Variants in NTAQ1 observed in about 807,000 individuals in gnomAD.
NTAQ1 encodes the protein protein N-terminal glutamine amidohydrolase.
NTAQ1 carries 21 observed loss-of-function variants against 28.2 expected under a neutral mutation model. The ratio of observed to expected loss-of-function variants is 0.74; its 90% CI spans 0.53 to 1.07. NTAQ1 has a LOEUF of 1.07. NTAQ1 is among the 50% of genes least tolerant of loss of function. The pLI, the probability that NTAQ1 is intolerant of heterozygous loss-of-function variation, is 0.00. For missense variants in NTAQ1, 264 were observed against 256.6 expected (o/e 1.03, Z -0.20); for synonymous variants, 105 against 90.0 (o/e 1.17, Z -0.94).
In NTAQ1 at chr8:123,417,297, A is replaced by G. The variant is rs1813358253; in HGVS notation, c.83+365A>G. Among the ~76,000 whole-genome samples the G allele has an allele frequency of 2.0e-5, 3 of 152,108 alleles. No homozygotes were observed. The South Asian group carries it at 6.2e-4, about 32-fold the overall frequency. On this transcript the variant is annotated intron_variant, in intron 1 of 5. Transcript: ENST00000287387. ...GGGGTTTCAGACTGAGGTGAAGGTC[A>G]TTTTAATTTTGTAAGAGAATGAAGG...
intron 3 of NTAQ1, among the ~76,000 whole-genome samples, chr8:123,433,340 C>T (rs1325038312): frequency 6.6e-6 from 1 of 152,220 alleles, no homozygotes; most frequent in Admixed American, 6.5e-5. Flanking sequence ...GGAAAGCTGT[C>T]CCCATCAGGC....
chr8:123,427,444 G>C (rs1024428759), intron 1 of NTAQ1, among the ~76,000 whole-genome samples: 2 of 151,786 alleles, frequency 1.3e-5, no homozygotes, highest in Non-Finnish European at 2.9e-5. Context: ...GTAGAGACGG[G>C]GTTTCACCAT....
rs33984349 is a variant in NTAQ1, at chr8:123,453,425, C to CTT, written c.372+12088_372+12089dup. ...CACCGAAAGGTGAAGTGTTTTGTTG[C>CTT]TTTTTTTTTTTTTCTTTTTTGGAAC... On this transcript the variant is annotated intron_variant, in intron 6 of 6. Transcript: ENST00000650311. 1.9e-3 allele frequency among the ~76,000 whole-genome samples: 271 copies of CTT among 144,768 alleles called. 2 individuals carry two copies. Among genetic ancestry groups the CTT allele is most frequent in the Middle Eastern group, 3.5e-3 (1 of 284 alleles). 95.0% of individuals were successfully genotyped at this position (144,768 alleles called of 152,430 possible).
Position 123,437,340 on chromosome 8 carries a change from C to T in NTAQ1, c.508+6C>T, listed in dbSNP as rs2130301953. 1.2e-6 allele frequency: 2 copies of T among 1,613,664 alleles called. No individual in the cohort carries two copies. Among genetic ancestry groups the T allele is most frequent in the East Asian group, 4.5e-5 (2 of 44,874 alleles). On this transcript the variant is annotated splice_donor_region_variant and intron_variant, in intron 5 of 5. Transcript: ENST00000287387. ...TCCCTGCATTGAGACTGGAGGTGAG[C>T]CAAGATGCCTTCTCAGATGGGGGTT...
intron 1 of NTAQ1, among the ~76,000 whole-genome samples, chr8:123,427,313 G>A (rs1406475710): frequency 7.6e-6 from 1 of 131,772 alleles, no homozygotes; most frequent in African/African-American, 2.9e-5. Context: ...GTGCAGTGGT[G>A]TGATCTTTGG....
chr8:123,449,974 T>TATATATATATAA (rs371673968), downstream of NTAQ1, among the ~76,000 whole-genome samples: 48 of 56,104 alleles, frequency 8.6e-4, 10 homozygotes, highest in African/African-American at 2.0e-3. Context: ...TATATATATA[T>TATATATATATAA]GCTGGATAAA....
At chr8:123,445,246 G>A (rs144900833), downstream of NTAQ1, among the ~76,000 whole-genome samples, 658 of 151,984 alleles carry the variant, frequency 4.3e-3, 6 homozygotes, top group African/African-American at 0.015. Context: ...ATATAGGTAT[G>A]TATTATATAT....
downstream of NTAQ1, among the ~76,000 whole-genome samples, chr8:123,443,824 C>G (rs537633883): frequency 3.9e-5 from 6 of 152,224 alleles, no homozygotes; most frequent in Non-Finnish European, 8.8e-5. Context: ...CTGCCCACCT[C>G]GGCCTCTGAA....
At chr8:123,444,977 T>C (rs567155614), downstream of NTAQ1, among the ~76,000 whole-genome samples, 3 of 152,360 alleles carry the variant, frequency 2.0e-5, no homozygotes, top group East Asian at 5.8e-4. Flanking sequence ...AAGGAAATTA[T>C]GTCTTTCAGA....
intron 5 of NTAQ1, among the ~76,000 whole-genome samples, chr8:123,440,584 C>T (rs1563895948): frequency 6.6e-6 from 1 of 151,404 alleles, no homozygotes; most frequent in Non-Finnish European, 1.5e-5. Flanking sequence ...ATTACACCCT[C>T]CAACTCCCAG....
chr8:123,470,984 G>A (rs1425496016), downstream of NTAQ1, among the ~76,000 whole-genome samples: 9 of 151,082 alleles, frequency 6.0e-5, no homozygotes, highest in Non-Finnish European at 1.3e-4. Flanking sequence ...GCAGTGGCAT[G>A]ATCATAGCTC....
chr8:123,423,768 T>G (rs1813869769), intron 1 of NTAQ1, among the ~76,000 whole-genome samples: 1 of 152,212 alleles, frequency 6.6e-6, no homozygotes, highest in Non-Finnish European at 1.5e-5. Context: ...GTGTAACATT[T>G]ACATATATTT....
chr8:123,467,013 T>C (rs1815974209), intron 6 of NTAQ1: 1 of 152,098 alleles, frequency 6.6e-6, no homozygotes, highest in Non-Finnish European at 1.5e-5. Context: ...AGGAAATGTT[T>C]GTGGTTCTTG....
chr8:123,437,388 G>A (rs1341508636), intron 5 of NTAQ1, 54 bp downstream of exon 5: 3 of 1,595,792 alleles, frequency 1.9e-6, no homozygotes, highest in Non-Finnish European at 1.7e-6. Flanking sequence ...ATACACATCA[G>A]CATTTTTCCT....
downstream of NTAQ1, among the ~76,000 whole-genome samples, chr8:123,444,325 G>A (rs1815190444): frequency 6.6e-6 from 1 of 151,878 alleles, no homozygotes; most frequent in South Asian, 2.1e-4. Flanking sequence ...TCCGCTTCCT[G>A]AGTTTCTGGG....
chr8:123,448,922 A>G (rs1468746037), downstream of NTAQ1, among the ~76,000 whole-genome samples: 1 of 152,200 alleles, frequency 6.6e-6, no homozygotes, highest in Non-Finnish European at 1.5e-5. Context: ...GAGAAAATCA[A>G]TGTAAGTGAA....
chr8:123,463,886 G>A (rs1227346749), intron 6 of NTAQ1, among the ~76,000 whole-genome samples: 2 of 152,082 alleles, frequency 1.3e-5, no homozygotes, highest in Non-Finnish European at 2.9e-5. Flanking sequence ...CCTACTTGTC[G>A]TGGGAGGGAC....
intron 6 of NTAQ1, among the ~76,000 whole-genome samples, chr8:123,457,033 G>A (rs1815668179): frequency 6.6e-6 from 1 of 152,028 alleles, no homozygotes; most frequent in Admixed American, 6.6e-5. Context: ...GCTGAGTGAT[G>A]GCTTAAAATT....
chr8:123,458,898 G>A (rs1186975357), intron 6 of NTAQ1, among the ~76,000 whole-genome samples: 3 of 152,056 alleles, frequency 2.0e-5, no homozygotes, highest in Non-Finnish European at 2.9e-5. Flanking sequence ...GGGATTACAC[G>A]CGTGAGCCAC....
Sources: gnomAD v4.1 joint callset for allele counts (sites outside exome capture counted in the v4.1 genomes callset) on GRCh38, gnomAD v4.1.1 for gene constraint, MANE v1.5 for transcripts, NCBI Gene and HGNC (gene_info 2026-07-23, HGNC 2026-07-21) for gene names.